GNB5: variants seen among roughly 807,000 people sequenced by gnomAD.
GNB5 encodes G protein subunit beta 5, also known as guanine nucleotide-binding protein subunit beta-5.
Under a neutral mutation model 55.3 loss-of-function variants are expected in GNB5, and 37 were observed. That is an observed-to-expected ratio of 0.67 (90% CI 0.51 to 0.88). The LOEUF is 0.88. Ranked by LOEUF, GNB5 falls within the 40% of genes least tolerant of loss-of-function variation. The probability of loss-of-function intolerance (pLI) is 0.00; values close to 1 mark genes in which losing one functional copy is unlikely to be tolerated. For synonymous variants in GNB5, 219 were observed against 198.5 expected, an observed-to-expected ratio of 1.10 and a Z score of -0.87; for missense variants, 476 against 515.3, an observed-to-expected ratio of 0.92 and a Z score of 0.74.
intron 3 of GNB5, among the ~76,000 whole-genome samples, chr15:52,159,654 C>T (rs1355787276): frequency 2.0e-5 from 3 of 152,134 alleles, no homozygotes; most frequent in Admixed American, 6.5e-5. Context: ...ATGATGGTTC[C>T]AGAATCTCTA....
intron 8 of GNB5, among the ~76,000 whole-genome samples, chr15:52,133,809 T>C (rs1020403458): frequency 1.3e-5 from 2 of 152,242 alleles, no homozygotes; most frequent in African/African-American, 2.4e-5. Context: ...CTCTTCTCTT[T>C]ATACTTGCCT....
chr15:52,175,021 C>T (rs76962298), intron 3 of GNB5, among the ~76,000 whole-genome samples: 2 of 151,960 alleles, frequency 1.3e-5, no homozygotes, highest in Admixed American at 6.6e-5. Context: ...TGCAGCGAGC[C>T]GAGATCGTGC....
chr15:52,165,254 T>C (rs974275774), intron 3 of GNB5, among the ~76,000 whole-genome samples: 1 of 152,110 alleles, frequency 6.6e-6, no homozygotes, highest in Admixed American at 6.5e-5. Context: ...ACCTGAAAGA[T>C]ATGGGGAGAA....
intron 5 of GNB5, among the ~76,000 whole-genome samples, chr15:52,149,112 T>C (rs1366033782): frequency 6.6e-6 from 1 of 152,178 alleles, no homozygotes; most frequent in Non-Finnish European, 1.5e-5. Flanking sequence ...TACAAAATGG[T>C]TTCGGCCCCT....
chr15:52,189,584 C>CA lies in GNB5; in HGVS notation c.-19+1737dup, dbSNP rs199854730. Reference sequence around the variant, plus strand: ...AATGCAGTGAGACTCCGTCTCAGAACAAAAAAAAAGAAAATATATGTTCAC... The same window carrying CA: ...AATGCAGTGAGACTCCGTCTCAGAACAAAAAAAAAAGAAAATATATGTTCAC... On this transcript the variant is annotated intron_variant, in intron 1 of 12. Transcript: ENST00000261837. 5.0e-3 allele frequency among the ~76,000 whole-genome samples: 751 copies of CA among 149,162 alleles called. 18 individuals are homozygous for CA. Among genetic ancestry groups the CA allele is most frequent in the Admixed American group, 0.026 (397 of 15,036 alleles).
At chr15:52,136,064 AACACACACAC>A (rs147163026) in intron 7 of GNB5, among the ~76,000 whole-genome samples, 1,366 of 98,016 alleles carry the variant, frequency 0.014, 43 homozygotes, top group African/African-American at 0.058. Flanking sequence ...GGAAAAGCAG[AACACACACAC>A]ACACACACAC....
chr15:52,135,200 C>T (rs993671978), intron 8 of GNB5, among the ~76,000 whole-genome samples: 8 of 152,066 alleles, frequency 5.3e-5, no homozygotes, highest in Non-Finnish European at 1.2e-4. Context: ...GTTGCCTCAG[C>T]TCAGTAGCCA....
At chr15:52,151,050 C>A (rs183791589) in intron 4 of GNB5, among the ~76,000 whole-genome samples, 1 of 152,342 alleles carries the variant, frequency 6.6e-6, no homozygotes, top group East Asian at 1.9e-4. Context: ...TAATGCCATG[C>A]ATGGCAGATG....
Position 52,186,970 on chromosome 15 carries a change from C to T in GNB5, c.-18-2276G>A, listed in dbSNP as rs555898140. ...CAACTGCCACAGAGTGCCCAGCCCT[C>T]GCCTCTCCCTGGGAGGGAGGCAGGA... On this transcript the variant is annotated intron_variant, in intron 1 of 12. Transcript: ENST00000261837. Among the ~76,000 whole-genome samples, 5 of 152,246 alleles carry T rather than the reference C, an allele frequency of 3.3e-5. No individual in the cohort carries two copies. In the East Asian group the frequency reaches 7.7e-4, roughly 24 times the overall value.
chr15:52,183,035 T>G (rs1452604871), intron 2 of GNB5, among the ~76,000 whole-genome samples: 1 of 152,060 alleles, frequency 6.6e-6, no homozygotes, highest in African/African-American at 2.4e-5. Context: ...GCCTGTAACC[T>G]CAGCTACTCA....
intron 3 of GNB5, among the ~76,000 whole-genome samples, chr15:52,174,155 G>C (rs1457642283): frequency 6.6e-6 from 1 of 152,112 alleles, no homozygotes; most frequent in Non-Finnish European, 1.5e-5. Flanking sequence ...CAAGAACATG[G>C]GCAGCCCCAA....
rs2033367932 is a variant in GNB5, at chr15:52,124,516, T to C, written c.1133A>G (p.Asp378Gly). Residue 378 changes from aspartate to glycine, a missense_variant, in exon 12 of 13, where the codon GAT becomes GGT. Asp to Gly is a moderately conservative substitution (Grantham distance 94). Transcript: ENST00000261837. Reference sequence around the variant, plus strand: ...TGATCCAGAGCAGAAAGCAGTCCCATCGGGGGAAACTCGTAGAGTGCTAAC... The same window carrying C: ...TGATCCAGAGCAGAAAGCAGTCCCACCGGGGGAAACTCGTAGAGTGCTAAC... ...NRVSTLRVSP[D>G]GTAFCSGSWD... 1 of 1,614,016 alleles carries C rather than the reference T, an allele frequency of 6.2e-7. No homozygotes were observed. Among genetic ancestry groups the C allele is most frequent in the South Asian group, 1.1e-5 (1 of 91,078 alleles).
At chr15:52,166,722 T>C in intron 3 of GNB5, among the ~76,000 whole-genome samples, 1 of 152,030 alleles carries the variant, frequency 6.6e-6, no homozygotes, top group East Asian at 1.9e-4. Context: ...ATGTCTATAT[T>C]AGAAAGCTAG....
chr15:52,137,026 T>C, intron 7 of GNB5: 1 of 454,274 alleles, frequency 2.2e-6, no homozygotes, highest in Non-Finnish European at 4.4e-6. Context: ...GTTCGCTTGC[T>C]GGGCTCACCA....
intron 3 of GNB5, among the ~76,000 whole-genome samples, chr15:52,161,703 G>C (rs1324864497): frequency 1.3e-5 from 2 of 152,252 alleles, no homozygotes; most frequent in Admixed American, 6.5e-5. Context: ...CACTTGGCTG[G>C]AAGAATCATG....
chr15:52,168,151 G>A, intron 3 of GNB5, among the ~76,000 whole-genome samples: 1 of 152,128 alleles, frequency 6.6e-6, no homozygotes, highest in Non-Finnish European at 1.5e-5. Context: ...TTCTGGCCAG[G>A]GCAATCAGGC....
intron 2 of GNB5, among the ~76,000 whole-genome samples, chr15:52,182,194 A>G (rs2034781620): frequency 1.3e-5 from 2 of 152,168 alleles, no homozygotes; most frequent in Non-Finnish European, 2.9e-5. Flanking sequence ...TGCATCTGTT[A>G]TTATTACTGA....
chr15:52,156,499 A>G (rs1242428394), intron 3 of GNB5, among the ~76,000 whole-genome samples: 25 of 152,220 alleles, frequency 1.6e-4, no homozygotes, highest in Admixed American at 1.6e-3. Flanking sequence ...TGGGAGGCCA[A>G]GGTAGGTGGA....
At chr15:52,131,072 C>A (rs2033561681) in intron 9 of GNB5, among the ~76,000 whole-genome samples, 1 of 152,184 alleles carries the variant, frequency 6.6e-6, no homozygotes, top group East Asian at 1.9e-4. Context: ...GTGATCCGCC[C>A]ACCTCGGCCT....
Sources: gnomAD v4.1 joint callset for allele counts (sites outside exome capture counted in the v4.1 genomes callset) on GRCh38, gnomAD v4.1.1 for gene constraint, MANE v1.5 for transcripts, NCBI Gene and HGNC (gene_info 2026-07-23, HGNC 2026-07-21) for gene names.